GRB14: variants seen among roughly 807,000 people sequenced by gnomAD.
GRB14 encodes the protein growth factor receptor-bound protein 14.
In GRB14, 38 loss-of-function variants were observed where a neutral mutation model predicts 69.1. The observed-to-expected ratio is 0.55, with a 90% CI of 0.42 to 0.72. The LOEUF is 0.72. Ranked by LOEUF, GRB14 falls within the 30% of genes least tolerant of loss-of-function variation. The pLI is 0.00. For synonymous variants in GRB14, 247 were observed against 241.3 expected (o/e 1.02, Z -0.22); for missense variants, 666 against 666.1 (o/e 1.00, Z 0.00).
chr2:164,494,277 A>G (rs1686834884), intron 13 of GRB14, among the ~76,000 whole-genome samples, 154 bp downstream of exon 13: 1 of 152,162 alleles, frequency 6.6e-6, no homozygotes, highest in Admixed American at 6.6e-5. Context: ...CATTTCTGCC[A>G]AAGTTAACTC....
At chr2:164,566,127 C>T (rs1025654762) in intron 2 of GRB14, among the ~76,000 whole-genome samples, 3 of 152,124 alleles carry the variant, frequency 2.0e-5, no homozygotes, top group Non-Finnish European at 4.4e-5. Flanking sequence ...AAATAAGTTG[C>T]TCCCCAAATT....
At chr2:164,611,182 G>A (rs1349488904) in intron 2 of GRB14, among the ~76,000 whole-genome samples, 1 of 152,150 alleles carries the variant, frequency 6.6e-6, no homozygotes, top group African/African-American at 2.4e-5. Context: ...AAGAAATGTG[G>A]ATTTCATTCT....
intron 2 of GRB14, among the ~76,000 whole-genome samples, chr2:164,614,209 C>A (rs1277830682): frequency 6.6e-6 from 1 of 152,136 alleles, no homozygotes; most frequent in African/African-American, 2.4e-5. Flanking sequence ...AGCAAATTGC[C>A]GTTGGAAAGA....
intron 2 of GRB14, among the ~76,000 whole-genome samples, chr2:164,581,368 C>T (rs895558873): frequency 6.6e-6 from 1 of 152,028 alleles, no homozygotes; most frequent in African/African-American, 2.4e-5. Context: ...GGGGTTCCAA[C>T]GTAGTCACAA....
intron 12 of GRB14, among the ~76,000 whole-genome samples, chr2:164,495,036 G>T (rs1686856382): frequency 6.6e-6 from 1 of 152,014 alleles, no homozygotes; most frequent in African/African-American, 2.4e-5. Context: ...CCGCCTCCAG[G>T]GTTCAAGCAA....
chr2:164,528,914 C>T (rs776975149), intron 3 of GRB14, among the ~76,000 whole-genome samples: 4 of 152,078 alleles, frequency 2.6e-5, no homozygotes, highest in African/African-American at 7.2e-5. Context: ...GCTGTTTACT[C>T]AAAAGAAGCG....
At chr2:164,582,433 T>A (rs1423685906) in intron 2 of GRB14, among the ~76,000 whole-genome samples, 1 of 150,256 alleles carries the variant, frequency 6.7e-6, no homozygotes, top group East Asian at 1.9e-4. Context: ...TATTTTTTTT[T>A]TTTTTTGAGA....
intron 12 of GRB14, among the ~76,000 whole-genome samples, chr2:164,495,232 A>G (rs955940204): frequency 2.0e-5 from 3 of 150,332 alleles, no homozygotes; most frequent in African/African-American, 7.6e-5. Flanking sequence ...ATGAGCCACC[A>G]CGCCTGGCCT....
At chr2:164,619,296 A>G (rs1445928233) in intron 2 of GRB14, among the ~76,000 whole-genome samples, 1 of 152,176 alleles carries the variant, frequency 6.6e-6, no homozygotes, top group Non-Finnish European at 1.5e-5. Context: ...AAAATTAAAG[A>G]AAGTATTAAA....
Position 164,573,635 on chromosome 2 carries a change from T to C in GRB14, c.325-25819A>G. 4 of 1,514,348 alleles carry C rather than the reference T, an allele frequency of 2.6e-6. No individual in the cohort carries two copies. The South Asian group carries it at 5.0e-5, about 19-fold the overall frequency. The allele number at this position is 1,514,348 out of a possible 1,614,324, so 93.8% of individuals were successfully genotyped here. On this transcript the variant is annotated intron_variant, in intron 2 of 13. Transcript: ENST00000263915. ...ATTATTTCATCTTTCTTTAATAGTT[T>C]TTTTTTCATCTTTTCTTTATGGTTC...
intron 2 of GRB14, among the ~76,000 whole-genome samples, chr2:164,575,800 A>G (rs1689238059): frequency 1.3e-5 from 2 of 152,178 alleles, no homozygotes; most frequent in Non-Finnish European, 2.9e-5. Context: ...AAACTTTTCT[A>G]ATAAAAAGAG....
chr2:164,609,953 C>T (rs1392863323), intron 2 of GRB14, among the ~76,000 whole-genome samples: 1 of 152,138 alleles, frequency 6.6e-6, no homozygotes, highest in Admixed American at 6.5e-5. Context: ...AAAGGAACTC[C>T]TTCTTATTTG....
At chr2:164,536,078 C>A (rs1002696747) in intron 3 of GRB14, among the ~76,000 whole-genome samples, 6 of 152,184 alleles carry the variant, frequency 3.9e-5, no homozygotes, top group Non-Finnish European at 8.8e-5. Flanking sequence ...TCTATCTGAG[C>A]ACAGCATGTG....
At chr2:164,500,387 A>C (rs1215656735) in intron 9 of GRB14, among the ~76,000 whole-genome samples, 3 of 152,106 alleles carry the variant, frequency 2.0e-5, no homozygotes, top group Non-Finnish European at 4.4e-5. Context: ...AAAAGAAAGA[A>C]AATAATATTG....
chr2:164,605,229 C>T (rs1320131806), intron 2 of GRB14, among the ~76,000 whole-genome samples: 2 of 148,362 alleles, frequency 1.3e-5, no homozygotes, highest in African/African-American at 2.6e-5. Flanking sequence ...GGACTTGGTA[C>T]CCAACTGGAT....
chr2:164,551,848 TAAGGAA>T (rs2105314256), intron 2 of GRB14, among the ~76,000 whole-genome samples: 1 of 152,304 alleles, frequency 6.6e-6, no homozygotes, highest in South Asian at 2.1e-4. Flanking sequence ...GTGCTGATAT[TAAGGAA>T]TATCTGAGGC....
intron 2 of GRB14, among the ~76,000 whole-genome samples, chr2:164,608,498 C>T (rs1289092617): frequency 6.6e-6 from 1 of 151,728 alleles, no homozygotes; most frequent in Non-Finnish European, 1.5e-5. Flanking sequence ...ATTGATGGTG[C>T]CTATCTCATA....
chr2:164,555,845 T>C (rs1688665976), intron 2 of GRB14, among the ~76,000 whole-genome samples: 1 of 151,816 alleles, frequency 6.6e-6, no homozygotes, highest in Non-Finnish European at 1.5e-5. Context: ...TAAGCTTATT[T>C]CTACAGCTCT....
At chr2:164,556,941 C>A (rs1688693136) in intron 2 of GRB14, among the ~76,000 whole-genome samples, 1 of 151,982 alleles carries the variant, frequency 6.6e-6, no homozygotes, top group Admixed American at 6.6e-5. Flanking sequence ...TTAGTGAATT[C>A]CAAAATGGTA....
Sources: gnomAD v4.1 joint callset for allele counts (sites outside exome capture counted in the v4.1 genomes callset) on GRCh38, gnomAD v4.1.1 for gene constraint, MANE v1.5 for transcripts, NCBI Gene and HGNC (gene_info 2026-07-23, HGNC 2026-07-21) for gene names.